The following BPGM variants were observed in gnomAD, a reference collection of about 807,000 sequenced individuals.
The protein encoded by BPGM is 2,3-bisphosphoglycerate mutase, erythrocyte.
BPGM carries 15 observed loss-of-function variants against 21.6 expected under a neutral mutation model. That is an observed-to-expected ratio of 0.70 (90% confidence interval 0.47 to 1.07). BPGM has a LOEUF of 1.07. BPGM is among the 50% of genes least tolerant of loss of function. BPGM has a pLI of 0.00. For missense variants in BPGM, 273 were observed against 319.0 expected, an observed-to-expected ratio of 0.86 and a Z score of 1.10; for synonymous variants, 113 against 116.2, an observed-to-expected ratio of 0.97 and a Z score of 0.18.
Position 134,661,490 on chromosome 7 carries a change from G to A in BPGM, c.-18G>A, listed in dbSNP as rs529841898. On this transcript the variant is annotated 5_prime_UTR_variant, in exon 2 of 3. Transcript: ENST00000344924. This position sits in a 1 kb window ranked among gnomAD's most constrained non-coding sequence, Gnocchi z 4.6. Reference sequence around the variant, plus strand: ...ATATTAGCCCATTTGAAAACGCCTGGGAAGTTCAGCCATCAGTATGTCCAA... The same window carrying A: ...ATATTAGCCCATTTGAAAACGCCTGAGAAGTTCAGCCATCAGTATGTCCAA... 13 of 1,613,856 alleles carry A rather than the reference G, an allele frequency of 8.1e-6. No homozygotes were observed. In the African/African-American group the frequency reaches 1.7e-4, roughly 22 times the overall value.
chr7:134,655,181 T>G (rs1456450976), intron 1 of BPGM, among the ~76,000 whole-genome samples: 1 of 152,076 alleles, frequency 6.6e-6, no homozygotes, highest in Non-Finnish European at 1.5e-5. Flanking sequence ...AAGCTTGAGG[T>G]TGAAAAGGAA....
At chr7:134,652,015 T>G (rs73724817) in intron 1 of BPGM, among the ~76,000 whole-genome samples, 1,681 of 152,310 alleles carry the variant, frequency 0.011, 35 homozygotes, top group African/African-American at 0.038. Flanking sequence ...AGTTTTCCCC[T>G]ATAGTTCAAT....
chr7:134,671,911 A>G (rs1326616762), intron 2 of BPGM, among the ~76,000 whole-genome samples: 1 of 152,196 alleles, frequency 6.6e-6, no homozygotes, highest in African/African-American at 2.4e-5. Flanking sequence ...GGAATTTATA[A>G]TCCTGGTGGG....
intron 1 of BPGM, among the ~76,000 whole-genome samples, chr7:134,656,894 C>T (rs1234499892): frequency 6.6e-6 from 1 of 152,184 alleles, no homozygotes; most frequent in Non-Finnish European, 1.5e-5. Flanking sequence ...TCATCTGAGA[C>T]GAGGCAAGCC....
chr7:134,671,408 C>T (rs1795902212), intron 2 of BPGM, among the ~76,000 whole-genome samples: 1 of 147,118 alleles, frequency 6.8e-6, no homozygotes, highest in Non-Finnish European at 1.5e-5. Flanking sequence ...GTTGCCCAGG[C>T]TGGAGTGCAG....
chr7:134,652,310 C>T (rs1051913584), intron 1 of BPGM, among the ~76,000 whole-genome samples: 18 of 151,964 alleles, frequency 1.2e-4, no homozygotes, highest in African/African-American at 3.9e-4. Context: ...CTGGCCTATA[C>T]CGTTTTTTAA....
intron 2 of BPGM, among the ~76,000 whole-genome samples, chr7:134,664,655 C>G (rs1017867375): frequency 2.0e-5 from 3 of 152,144 alleles, no homozygotes; most frequent in Non-Finnish European, 4.4e-5. Context: ...GTACCTAAAC[C>G]TGCAGAGCAG....
intron 2 of BPGM, among the ~76,000 whole-genome samples, chr7:134,670,809 CT>C (rs1442004574): frequency 6.6e-6 from 1 of 151,670 alleles, no homozygotes; most frequent in Non-Finnish European, 1.5e-5. Context: ...AGTTGTTTCC[CT>C]TTTTTTTCTA....
intron 1 of BPGM, among the ~76,000 whole-genome samples, chr7:134,649,117 A>G (rs1339205097): frequency 1.3e-5 from 2 of 152,282 alleles, no homozygotes; most frequent in Admixed American, 1.3e-4. Flanking sequence ...TTTATCCTTT[A>G]TGTTTCAAAC....
At position 134,661,927 on chromosome 7, in the gene BPGM, G is replaced by A. The variant is rs1242898120; in HGVS notation, c.420G>A (p.Arg140=). 6.2e-7 allele frequency: 1 copy of A among 1,613,376 alleles called. No homozygotes were observed. The highest frequency in any genetic ancestry group is 8.5e-7 in the Non-Finnish European group (1 of 1,179,448). ...HPYYQEIYND[R]RYKVCDVPLD... is the part of the protein sequence containing the mutation. ...ACTACCAAGAAATCTACAACGACCG[G>A]AGGTATAAAGTATGCGATGTGCCCT... The change falls in exon 2 of 3, where the codon CGG becomes CGA. Residue 140 remains arginine, a synonymous_variant. Transcript: ENST00000344924. The surrounding 1 kb of genome is among the most constrained non-coding windows in gnomAD (Gnocchi z 4.6).
chr7:134,676,402 AAATT>A (rs1415159813), intron 2 of BPGM, among the ~76,000 whole-genome samples: 1 of 152,236 alleles, frequency 6.6e-6, no homozygotes, highest in African/African-American at 2.4e-5. Flanking sequence ...ATCTTTTAAC[AAATT>A]AATTTTTTAT....
intron 1 of BPGM, among the ~76,000 whole-genome samples, chr7:134,659,434 G>T (rs1345938841): frequency 2.0e-5 from 3 of 151,816 alleles, no homozygotes; most frequent in Non-Finnish European, 4.4e-5. Flanking sequence ...TTTCTCACAG[G>T]TGAGGGGCTC....
intron 1 of BPGM, among the ~76,000 whole-genome samples, chr7:134,658,174 T>C (rs80145361): frequency 0.029 from 4,427 of 152,250 alleles, 102 homozygotes; most frequent in East Asian, 0.12. Flanking sequence ...TGGAGCTAAG[T>C]AGTAGGTACT....
chr7:134,663,655 T>C (rs1795771459), intron 2 of BPGM, among the ~76,000 whole-genome samples: 1 of 152,076 alleles, frequency 6.6e-6, no homozygotes, highest in African/African-American at 2.4e-5. Context: ...CAGAGCTGGG[T>C]CTCAGATTTA....
At chr7:134,648,754 A>T (rs753487565) in intron 1 of BPGM, among the ~76,000 whole-genome samples, 7 of 152,072 alleles carry the variant, frequency 4.6e-5, no homozygotes, top group African/African-American at 4.8e-5. Context: ...ATCTCTGCTC[A>T]CTGCAACCTC....
At chr7:134,663,806 T>C (rs901419294) in intron 2 of BPGM, among the ~76,000 whole-genome samples, 1 of 152,206 alleles carries the variant, frequency 6.6e-6, no homozygotes, top group African/African-American at 2.4e-5. Context: ...TATCTTCAAA[T>C]TTATTATAGA....
At chr7:134,658,897 T>TTTTATTTTTATTTTTA (rs1471729326) in intron 1 of BPGM, among the ~76,000 whole-genome samples, 5 of 151,554 alleles carry the variant, frequency 3.3e-5, no homozygotes, top group African/African-American at 1.2e-4. Context: ...TGTGTATTTT[T>TTTTATTTTTATTTTTA]TTTTTAGTAA....
intron 2 of BPGM, among the ~76,000 whole-genome samples, chr7:134,671,873 A>G (rs1388391996): frequency 6.6e-6 from 1 of 152,210 alleles, no homozygotes. Context: ...TGATACAGAA[A>G]TGGATCAAAC....
chr7:134,658,590 G>A (rs1795678658), intron 1 of BPGM: 1 of 152,206 alleles, frequency 6.6e-6, no homozygotes, highest in South Asian at 2.1e-4. Flanking sequence ...GTGTTTCTTG[G>A]TAAACACTGG....
Sources: gnomAD v4.1 joint callset for allele counts (sites outside exome capture counted in the v4.1 genomes callset) on GRCh38, gnomAD v4.1.1 for gene constraint, Gnocchi (gnomAD v3.1) non-coding constraint, MANE v1.5 for transcripts, NCBI Gene and HGNC (gene_info 2026-07-23, HGNC 2026-07-21) for gene names.